SNX18: variants seen among roughly 807,000 people sequenced by gnomAD.
SNX18 encodes sorting nexin-18.
SNX18 carries 35 observed loss-of-function variants against 48.7 expected under a neutral mutation model. That is an observed-to-expected ratio of 0.72 (90% CI 0.55 to 0.95). The LOEUF (loss-of-function observed/expected upper bound fraction) is 0.95. Ranked by LOEUF, SNX18 falls within the 40% of genes least tolerant of loss-of-function variation. The pLI, the probability that SNX18 is intolerant of heterozygous loss-of-function variation, is 0.00. For missense variants in SNX18, 824 were observed against 871.0 expected (o/e 0.95, Z 0.68); for synonymous variants, 492 against 384.7 (o/e 1.28, Z -3.26).
chr5:54,534,994 G>A (rs1310017235), intron 1 of SNX18, among the ~76,000 whole-genome samples: 1 of 152,100 alleles, frequency 6.6e-6, no homozygotes, highest in African/African-American at 2.4e-5. Context: ...TTTTGAACAT[G>A]GTGCTGATTT....
At chr5:54,554,047 T>C in the SNX18 span, among the ~76,000 whole-genome samples, 1 of 152,250 alleles carries the variant, frequency 6.6e-6, no homozygotes, top group Admixed American at 6.5e-5. Context: ...GGAGCTCCCA[T>C]GCTCTGCCTG....
At position 54,544,672 on chromosome 5, in the gene SNX18, T is replaced by G. The variant is rs1280159396; in HGVS notation, c.*1240T>G. ...CAGGACATTTAACCTTAAAATTTAT[T>G]TTAAATGTATTCTTTTATTATTATA... On this transcript the variant is annotated 3_prime_UTR_variant, in exon 2 of 2. Transcript: ENST00000381410. 7 of 139,066 alleles carry G rather than the reference T, an allele frequency of 5.0e-5. No individual in the cohort carries two copies. The East Asian group carries it at 1.4e-3, about 28-fold the overall frequency. 8.6% of individuals were successfully genotyped at this position (139,066 alleles called of 1,614,324 possible).
the SNX18 span, among the ~76,000 whole-genome samples, chr5:54,647,460 G>A: frequency 6.6e-6 from 1 of 152,192 alleles, no homozygotes. Context: ...GGAGAGGAAA[G>A]AACAGAGCAT....
chr5:54,568,114 T>C, the SNX18 span, among the ~76,000 whole-genome samples: 1 of 152,332 alleles, frequency 6.6e-6, no homozygotes, highest in African/African-American at 2.4e-5. Flanking sequence ...AGGTCTGTTC[T>C]TTTCAGTTAT....
chr5:54,525,163 G>A (rs931523569), intron 1 of SNX18, among the ~76,000 whole-genome samples: 1 of 152,194 alleles, frequency 6.6e-6, no homozygotes, highest in Admixed American at 6.5e-5. Context: ...ACTTCCTCAC[G>A]AGGTCAGCAT....
chr5:54,518,535 C>T lies in SNX18; in HGVS notation c.583C>T (p.Leu195=), dbSNP rs1173964076. 5.1e-6 allele frequency: 8 copies of T among 1,578,578 alleles called. No homozygotes were observed. The highest frequency in any genetic ancestry group is 4.6e-5 in the East Asian group (2 of 43,380). Residue 195 remains leucine, a synonymous_variant, in exon 1 of 2, where the codon CTG becomes TTG. Coordinates refer to ENST00000381410, the MANE Select transcript of SNX18 (RefSeq NM_001102575.2). ...AGVGAAGRYR[L]STRSDLSLGS... Reference sequence around the variant, plus strand: ...TGTGGGCGCAGCCGGCCGCTACCGCCTGTCCACGCGCTCCGACCTGTCCCT... The same window carrying T: ...TGTGGGCGCAGCCGGCCGCTACCGCTTGTCCACGCGCTCCGACCTGTCCCT...
chr5:54,635,851 A>C, the SNX18 span, among the ~76,000 whole-genome samples: 4 of 152,082 alleles, frequency 2.6e-5, no homozygotes, highest in African/African-American at 9.7e-5. Flanking sequence ...TTCTTTTTGC[A>C]CTGGGCCCTA....
At chr5:54,530,597 T>C (rs2565002) in intron 1 of SNX18, among the ~76,000 whole-genome samples, 36,697 of 151,866 alleles carry the variant, frequency 0.24, 4,990 homozygotes, top group East Asian at 0.43. Flanking sequence ...TTTGAAGACT[T>C]CCTGAGTGCC....
At chr5:54,620,561 T>C in the SNX18 span, among the ~76,000 whole-genome samples, 1 of 152,152 alleles carries the variant, frequency 6.6e-6, no homozygotes, top group Admixed American at 6.5e-5. Flanking sequence ...AGACAGCAGA[T>C]CTGTAGGGGA....
the SNX18 span, among the ~76,000 whole-genome samples, chr5:54,564,124 G>A: frequency 1.8e-3 from 268 of 152,028 alleles, no homozygotes; most frequent in Non-Finnish European, 3.1e-3. Context: ...AAATTAGCCA[G>A]GCGTGATGGC....
At chr5:54,618,829 A>C in the SNX18 span, among the ~76,000 whole-genome samples, 1 of 152,236 alleles carries the variant, frequency 6.6e-6, no homozygotes, top group Non-Finnish European at 1.5e-5. Context: ...TGCTAAAAAA[A>C]ATCAATAAGT....
At chr5:54,611,182 A>G in the SNX18 span, among the ~76,000 whole-genome samples, 1 of 152,122 alleles carries the variant, frequency 6.6e-6, no homozygotes, top group Non-Finnish European at 1.5e-5. Flanking sequence ...TAGTCCCTTG[A>G]TAAGATAGAC....
chr5:54,534,828 G>A (rs1762322616), intron 1 of SNX18, among the ~76,000 whole-genome samples: 1 of 152,086 alleles, frequency 6.6e-6, no homozygotes, highest in South Asian at 2.1e-4. Context: ...GTTTCAGCTT[G>A]CAGTGTGTTC....
chr5:54,627,993 A>T, the SNX18 span, among the ~76,000 whole-genome samples: 1 of 152,152 alleles, frequency 6.6e-6, no homozygotes, highest in Non-Finnish European at 1.5e-5. Flanking sequence ...CAGTATAATT[A>T]TCATTGCAGC....
chr5:54,588,182 T>C, the SNX18 span, among the ~76,000 whole-genome samples: 1 of 152,034 alleles, frequency 6.6e-6, no homozygotes, highest in African/African-American at 2.4e-5. Context: ...GCCAAAAGAA[T>C]GCCTAAAAAT....
At chr5:54,556,968 A>T in the SNX18 span, among the ~76,000 whole-genome samples, 1 of 152,222 alleles carries the variant, frequency 6.6e-6, no homozygotes, top group Non-Finnish European at 1.5e-5. Context: ...TTCAAAGGAC[A>T]CAAGCAGCAT....
the SNX18 span, among the ~76,000 whole-genome samples, chr5:54,571,046 C>T: frequency 6.6e-6 from 1 of 152,178 alleles, no homozygotes; most frequent in African/African-American, 2.4e-5. Flanking sequence ...TGGAAACATA[C>T]TCTATGCCTT....
chr5:54,647,756 G>C, the SNX18 span, among the ~76,000 whole-genome samples: 2 of 152,198 alleles, frequency 1.3e-5, no homozygotes, highest in East Asian at 3.9e-4. Context: ...AGGCTAAGTA[G>C]CAGATCATTG....
chr5:54,536,694 GTGTA>G (rs1025616478), intron 1 of SNX18, among the ~76,000 whole-genome samples: 14 of 152,160 alleles, frequency 9.2e-5, no homozygotes, highest in African/African-American at 3.4e-4. Context: ...AAACATACGT[GTGTA>G]TGTGTCTTCA....
Sources: allele counts gnomAD v4.1 joint callset (sites outside exome capture counted in the v4.1 genomes callset), GRCh38; gene constraint gnomAD v4.1.1; transcripts MANE v1.5; gene names NCBI Gene and HGNC (gene_info 2026-07-23, HGNC 2026-07-21).